GARNL3: variants seen among roughly 807,000 people sequenced by gnomAD.
The protein encoded by GARNL3 is GTPase activating Rap/RanGAP domain like 3.
Under a neutral mutation model 125.0 loss-of-function variants are expected in GARNL3, and 63 were observed. The ratio of observed to expected loss-of-function variants is 0.50; its 90% CI spans 0.41 to 0.62. The LOEUF (loss-of-function observed/expected upper bound fraction) is 0.62, where lower values mean the gene tolerates loss of function less well. Among genes scored for constraint, GARNL3 ranks in the 20% least tolerant of loss-of-function variants. The probability of loss-of-function intolerance (pLI) is 0.00; values close to 1 mark genes in which losing one functional copy is unlikely to be tolerated. For synonymous variants in GARNL3, 439 were observed against 457.5 expected (o/e 0.96, Z 0.52); for missense variants, 994 against 1,244.0 (o/e 0.80, Z 3.02).
intron 9 of GARNL3, among the ~76,000 whole-genome samples, chr9:127,334,579 C>T (rs192638590): frequency 4.9e-4 from 74 of 152,304 alleles, no homozygotes; most frequent in African/African-American, 1.6e-3. Flanking sequence ...CTCATACCCC[C>T]GCTGCCAACC....
chr9:127,268,502 T>C (rs2063750706), intron 1 of GARNL3, among the ~76,000 whole-genome samples: 1 of 152,244 alleles, frequency 6.6e-6, no homozygotes, highest in South Asian at 2.1e-4. Flanking sequence ...TCTCTCCAGC[T>C]CATTTTTCCC....
intron 21 of GARNL3, among the ~76,000 whole-genome samples, chr9:127,359,514 C>T (rs1274444854): frequency 6.6e-6 from 1 of 151,996 alleles, no homozygotes; most frequent in Non-Finnish European, 1.5e-5. Flanking sequence ...TTCTCACCCC[C>T]TTCTTCCTTC....
chr9:127,286,073 G>GATCAGATTAGAT (rs1304063241), intron 1 of GARNL3, among the ~76,000 whole-genome samples: 5 of 152,142 alleles, frequency 3.3e-5, no homozygotes, highest in Non-Finnish European at 7.3e-5. Context: ...GATCTGGATT[G>GATCAGATTAGAT]ATCAGATTAG....
In GARNL3 at chr9:127,241,910, G is replaced by A. The variant is rs2063211706; in HGVS notation, c.-28-1169G>A. On this transcript the variant is annotated intron_variant, in intron 1 of 10. Transcript: ENST00000439286. ...AGCCTCCCAGATAGCTAGGATTACA[G>A]GCGTGAGCCACTATGCCCGGCCTGG... Among the ~76,000 whole-genome samples the A allele has an allele frequency of 2.6e-5, 4 of 152,124 alleles. No individual in the cohort carries two copies. In the South Asian group the frequency reaches 8.3e-4, roughly 32 times the overall value.
intron 22 of GARNL3, among the ~76,000 whole-genome samples, chr9:127,375,944 T>C (rs759717091): frequency 2.6e-5 from 4 of 152,162 alleles, no homozygotes; most frequent in Non-Finnish European, 4.4e-5. Context: ...CTGATGACTG[T>C]AACCTCCAAT....
intron 2 of GARNL3, among the ~76,000 whole-genome samples, chr9:127,248,482 G>A (rs2063340704): frequency 6.6e-6 from 1 of 152,032 alleles, no homozygotes; most frequent in South Asian, 2.1e-4. Context: ...GTTGCCCCAG[G>A]GTGTAAACTT....
At chr9:127,371,008 C>T (rs1022494015) in intron 22 of GARNL3, among the ~76,000 whole-genome samples, 22 of 152,340 alleles carry the variant, frequency 1.4e-4, no homozygotes, top group Admixed American at 1.4e-3. Flanking sequence ...CTTTCCTCCT[C>T]ACATGTGCTC....
intron 7 of GARNL3, among the ~76,000 whole-genome samples, chr9:127,329,691 T>G (rs1829109222): frequency 6.6e-6 from 1 of 152,028 alleles, no homozygotes; most frequent in Admixed American, 6.6e-5. Flanking sequence ...CTTGAAACTT[T>G]TCAGAGAAGA....
chr9:127,351,302 A>G (rs1420284585), intron 17 of GARNL3, among the ~76,000 whole-genome samples: 1 of 152,164 alleles, frequency 6.6e-6, no homozygotes, highest in Non-Finnish European at 1.5e-5. Context: ...TGGAAATGTC[A>G]GATGTAAGGA....
At chr9:127,274,667 C>T (rs1033486399) in intron 1 of GARNL3, among the ~76,000 whole-genome samples, 8 of 152,210 alleles carry the variant, frequency 5.3e-5, no homozygotes, top group Non-Finnish European at 1.0e-4. Context: ...CTGGGAGTCT[C>T]TGTTGTTTGA....
chr9:127,243,265 A>C (rs572200765), intron 2 of GARNL3: 11 of 1,366,024 alleles, frequency 8.1e-6, no homozygotes, highest in East Asian at 4.5e-5. Flanking sequence ...TAAGTAAAAG[A>C]AGCATCATCT....
At position 127,275,210 on chromosome 9, in the gene GARNL3, G is replaced by A. The variant is rs2063923206; in HGVS notation, c.144+10189G>A. Among the ~76,000 whole-genome samples the A allele has an allele frequency of 2.0e-5, 3 of 152,108 alleles. No individual in the cohort carries two copies. The South Asian group carries it at 6.2e-4, about 31-fold the overall frequency. ...CTCATGCAGGCCTTCCCTCAAAACT[G>A]TGGTATTCACATGCCATGAACATGC... On this transcript the variant is annotated intron_variant, in intron 1 of 27. Coordinates refer to ENST00000373387, the MANE Select transcript of GARNL3 (RefSeq NM_032293.5).
At position 127,280,338 on chromosome 9, in the gene GARNL3, C is replaced by T. The variant is rs61240555; in HGVS notation, c.145-10830C>T. Among the ~76,000 whole-genome samples, 948 of 152,260 alleles carry T rather than the reference C, an allele frequency of 6.2e-3. 8 individuals are homozygous for T. Among genetic ancestry groups the T allele is most frequent in the African/African-American group, 0.021 (877 of 41,536 alleles). ...TCACTCTCCCTCCCTACTTCTTGCC[C>T]AGTGTTTTCTTGTCATGAAAAAGAG... On this transcript the variant is annotated intron_variant, in intron 1 of 27. Transcript: ENST00000373387. This position sits in a 1 kb window ranked among gnomAD's most constrained non-coding sequence, Gnocchi z 4.5.
intron 19 of GARNL3, 84 bp downstream of exon 19, chr9:127,354,494 G>T: frequency 1.3e-6 from 1 of 767,596 alleles, no homozygotes. Context: ...ATAAAAATGA[G>T]TAGGAATTTG....
Position 127,388,930 on chromosome 9 carries a change from A to T in GARNL3, c.2554A>T (p.Lys852Ter). The stretch of plus-strand genomic sequence containing the variant: ...TGAAATTCAATCAAAAAATCTGTAC[A>T]AGATTCCACTTAGAAACCTCGTGGG... ...EGEIQSKNLY[K>*]IPLRNLVGRS... Residue 852 changes from lysine to a stop codon, truncating the protein, a stop_gained, in exon 26 of 28, where the codon AAG (lysine) becomes TAG (stop). Transcript: ENST00000373387. LOFTEE classifies it high-confidence loss of function. 6.2e-7 allele frequency: 1 copy of T among 1,610,808 alleles called. No homozygotes were observed. Among genetic ancestry groups the T allele is most frequent in the Non-Finnish European group, 8.5e-7 (1 of 1,176,904 alleles).
In GARNL3 at chr9:127,291,162, C is replaced by T; in HGVS notation, c.145-6C>T. ...GCTTCCTAATTGAATGCTTTTTCCC[C>T]CCTAGCTTATTTCCAGTGATGCTGA... On this transcript the variant is annotated splice_region_variant and splice_polypyrimidine_tract_variant and intron_variant, in intron 1 of 27. Transcript: ENST00000373387. 6 of 1,613,782 alleles carry T rather than the reference C, an allele frequency of 3.7e-6. No homozygotes were observed. Among genetic ancestry groups the T allele is most frequent in the Non-Finnish European group, 5.1e-6 (6 of 1,179,800 alleles).
intron 1 of GARNL3, among the ~76,000 whole-genome samples, chr9:127,231,414 C>T (rs1301102872): frequency 6.6e-6 from 1 of 151,684 alleles, no homozygotes; most frequent in Non-Finnish European, 1.5e-5. Context: ...GTCTTTTGTC[C>T]CTTTGTGGTG....
At chr9:127,319,794 TTTC>T (rs1241860935) in intron 5 of GARNL3, among the ~76,000 whole-genome samples, 2 of 152,230 alleles carry the variant, frequency 1.3e-5, no homozygotes, top group Non-Finnish European at 2.9e-5. Flanking sequence ...CTCTAGCTCC[TTTC>T]TTCTTTAAGA....
chr9:127,231,942 G>A (rs766290612), intron 1 of GARNL3, among the ~76,000 whole-genome samples: 2 of 152,168 alleles, frequency 1.3e-5, no homozygotes, highest in Non-Finnish European at 2.9e-5. Flanking sequence ...TGCTGGCCCA[G>A]GGACATACAG....
Sources: gnomAD v4.1 joint callset for allele counts (sites outside exome capture counted in the v4.1 genomes callset) on GRCh38, gnomAD v4.1.1 for gene constraint, Gnocchi (gnomAD v3.1) non-coding constraint, MANE v1.5 for transcripts, NCBI Gene and HGNC (gene_info 2026-07-23, HGNC 2026-07-21) for gene names.